SON: variants seen among roughly 807,000 people sequenced by gnomAD.
SON encodes protein SON.
A neutral mutation model predicts 173.3 loss-of-function variants in SON; 4 were observed. That is an observed-to-expected ratio of 0.02 (90% CI 0.01 to 0.05). The LOEUF (loss-of-function observed/expected upper bound fraction) is 0.05. SON is among the 10% of genes least tolerant of loss of function. The pLI is 1.00. For synonymous variants in SON, 1,190 were observed against 1,105.9 expected, an observed-to-expected ratio of 1.08 and a Z score of -1.51; for missense variants, 2,626 against 3,055.3, an observed-to-expected ratio of 0.86 and a Z score of 3.31.
chr21:33,562,887 AG>A (rs924646022), intron 6 of SON, among the ~76,000 whole-genome samples: 2 of 152,174 alleles, frequency 1.3e-5, no homozygotes, highest in Admixed American at 1.3e-4. Flanking sequence ...ATTAGTGTGG[AG>A]TTTTCATGGA....
intron 6 of SON, among the ~76,000 whole-genome samples, chr21:33,565,469 C>T (rs2086149659): frequency 6.6e-6 from 1 of 152,148 alleles, no homozygotes; most frequent in Admixed American, 6.5e-5. Context: ...CTTGATAATC[C>T]TACCTGACAA....
intron 3 of SON, 59 bp downstream of exon 3, chr21:33,555,450 T>C: frequency 1.4e-6 from 2 of 1,428,474 alleles, no homozygotes; most frequent in Non-Finnish European, 1.9e-6. Flanking sequence ...CCTTAATTTT[T>C]TTCTGACCTT....
rs2086410953 is a variant in SON at position 33,576,779 on chromosome 21, G to GT, written c.*356dup. ...TGTTTATATTGTTTACCTTAGTGAT[G>GT]TATTTGTTTAAGTGGCTAACATCCA... On this transcript the variant is annotated 3_prime_UTR_variant, in exon 12 of 12. Transcript: ENST00000356577. The GT allele has an allele frequency of 1.4e-5, 5 of 359,762 alleles. No homozygotes were observed. In the East Asian group the frequency reaches 2.6e-4, roughly 18 times the overall value. The allele number at this position is 359,762 out of a possible 1,614,324, so 22.3% of individuals were successfully genotyped here. A position where few individuals can be genotyped will look rare whatever the true frequency, so the allele number is the denominator to read the frequency against.
Position 33,576,847 on chromosome 21 carries a change from G to A in SON, c.*423G>A, listed in dbSNP as rs2086412169. 1 of 317,076 alleles carries A rather than the reference G, an allele frequency of 3.2e-6. No individual in the cohort carries two copies. The highest frequency in any genetic ancestry group is 6.3e-6 in the Non-Finnish European group (1 of 158,792). The allele number at this position is 317,076 out of a possible 1,614,324, so 19.6% of individuals were successfully genotyped here. A position where few individuals can be genotyped will look rare whatever the true frequency, so the allele number is the denominator to read the frequency against. ...ATCAGAGTAATCTTCAGTGTGGAAT[G>A]TTAAATAACGCTTTTATACTGTATT... On this transcript the variant is annotated 3_prime_UTR_variant, in exon 12 of 12. Transcript: ENST00000356577.
chr21:33,557,120 T>C (rs749179488), intron 3 of SON, 36 bp from the exon 4 acceptor site: 1 of 1,593,528 alleles, frequency 6.3e-7, no homozygotes, highest in Non-Finnish European at 8.5e-7. Flanking sequence ...GTACAGTCTT[T>C]TAGGAAAACT....
chr21:33,553,282 G>C lies in SON; in HGVS notation c.4051G>C (p.Ala1351Pro). The change falls in exon 3 of 12, where the codon GCC becomes CCC. Residue 1351 changes from alanine (A) to proline (P), a missense_variant. Around this residue, in one of 13 missense-constraint regions of SON, gnomAD observed 1,006 missense variants for 895.6 expected, o/e 1.12. Coordinates refer to ENST00000356577, the MANE Select transcript of SON (RefSeq NM_138927.4). ...ESILEPPAMAAPESSAMAVLE... is the reference protein window; with the variant it reads ...ESILEPPAMAPPESSAMAVLE... ...CATTCTGGAGCCGCCAGCCATGGCTGCCCCAGAGTCTTCAGCTATGGCTGT... is the reference window on the plus strand; with the variant it reads ...CATTCTGGAGCCGCCAGCCATGGCTCCCCCAGAGTCTTCAGCTATGGCTGT... 6.2e-7 allele frequency: 1 copy of C among 1,614,178 alleles called. No individual in the cohort carries two copies. The highest frequency in any genetic ancestry group is 8.5e-7 in the Non-Finnish European group (1 of 1,180,032).
At chr21:33,567,359 A>AC in intron 7 of SON, 92 bp downstream of exon 7, 1 of 741,300 alleles carries the variant, frequency 1.3e-6, no homozygotes, top group Non-Finnish European at 2.5e-6. Flanking sequence ...GAATTTTGCT[A>AC]ACTAGATGGT....
intron 3 of SON, among the ~76,000 whole-genome samples, chr21:33,555,849 T>A (rs955613185): frequency 6.6e-6 from 1 of 152,208 alleles, no homozygotes; most frequent in Admixed American, 6.5e-5. Context: ...ATGAAGGTAA[T>A]TCTGATTGGT....
intron 6 of SON, among the ~76,000 whole-genome samples, chr21:33,561,829 TAAAA>T (rs532042862): frequency 2.0e-5 from 3 of 152,186 alleles, no homozygotes; most frequent in African/African-American, 4.8e-5. Flanking sequence ...TATTTTTTGT[TAAAA>T]AAATTTTTTT....
rs1428461560 is a variant in SON at position 33,546,374 on chromosome 21, A to T, written c.239A>T (p.Lys80Met). The T allele has an allele frequency of 2.5e-6, 4 of 1,596,662 alleles. No homozygotes were observed. The highest frequency in any genetic ancestry group is 3.4e-6 in the Non-Finnish European group (4 of 1,175,534). ...SGVLDTELRY[K>M]PDLKEGSRKS... ...GTCTTAGATACAGAACTACGATATAAGCCAGGTAAGTTGGAGATAATTAAC... is the reference window on the plus strand; with the variant it reads ...GTCTTAGATACAGAACTACGATATATGCCAGGTAAGTTGGAGATAATTAAC... Residue 80 changes from lysine (K) to methionine (M), a missense_variant, in exon 2 of 12, where the codon AAG becomes ATG. Physicochemically the swap from Lys to Met is moderately conservative, Grantham distance 95 (BLOSUM62 -1). Coordinates refer to ENST00000356577, the MANE Select transcript of SON (RefSeq NM_138927.4).
In SON at chr21:33,552,988, C is replaced by G. The variant is rs750917780; in HGVS notation, c.3757C>G (p.Pro1253Ala). The change falls in exon 3 of 12, where the codon CCA (proline) becomes GCA (alanine). Residue 1253 changes from proline (P) to alanine (A), a missense_variant. This residue lies in a region of SON where 1,006 missense variants were observed against 895.6 expected (regional missense o/e 1.12). Transcript: ENST00000356577. This position sits in a 1 kb window ranked among gnomAD's most constrained non-coding sequence, Gnocchi z 5.6. ...EAAVTVPEPPPEPESSITLTP... is the reference protein window; with the variant it reads ...EAAVTVPEPPAEPESSITLTP... ...TGCTGTGACTGTTCCAGAACCACCA[C>G]CAGAGCCAGAATCTTCAATTACGTT... The G allele has an allele frequency of 2.5e-6, 4 of 1,609,796 alleles. No homozygotes were observed. The African/African-American group carries it at 4.0e-5, about 16-fold the overall frequency.
At chr21:33,560,710 G>A (rs1455395264) in intron 6 of SON, 3 of 644,072 alleles carry the variant, frequency 4.7e-6, no homozygotes, top group Non-Finnish European at 5.8e-6. Context: ...GGAGGGTGGA[G>A]TCTTAATAGG....
In SON at chr21:33,559,899, G is replaced by A. The variant is rs767429274; in HGVS notation, c.6657+124G>A. ...TAGGGCCGGGTTAAACGGCAGGGCC[G>A]GGTTAGACGACAGATGAAACAACCC... is the stretch of plus-strand genomic sequence containing the variant. On this transcript the variant is annotated intron_variant, in intron 6 of 11. Coordinates refer to ENST00000356577, the MANE Select transcript of SON (RefSeq NM_138927.4). This position sits in a 1 kb window ranked among gnomAD's most constrained non-coding sequence, Gnocchi z 4.1. The A allele has an allele frequency of 1.2e-6, 2 of 1,609,266 alleles. No individual in the cohort carries two copies. Among genetic ancestry groups the A allele is most frequent in the Non-Finnish European group, 1.7e-6 (2 of 1,176,352 alleles).
At chr21:33,557,017 T>C (rs2085980992) in intron 3 of SON, 139 bp from the exon 4 acceptor site, 1 of 666,716 alleles carries the variant, frequency 1.5e-6, no homozygotes, top group South Asian at 3.1e-5. Context: ...TTTTTCCTTT[T>C]TTTTTTTCTT....
At chr21:33,564,127 T>C (rs2086119741) in intron 6 of SON, among the ~76,000 whole-genome samples, 1 of 152,214 alleles carries the variant, frequency 6.6e-6, no homozygotes, top group African/African-American at 2.4e-5. Flanking sequence ...GATTCTCTTT[T>C]TCCCAGTTTT....
chr21:33,544,651 G>T (rs2085570320), intron 1 of SON, among the ~76,000 whole-genome samples: 1 of 152,026 alleles, frequency 6.6e-6, no homozygotes, highest in South Asian at 2.1e-4. Context: ...CAGTCTTTTG[G>T]ACTTCTTCAT....
Position 33,553,459 on chromosome 21 carries a change from G to A in SON, c.4228G>A (p.Val1410Ile), listed in dbSNP as rs144716297. 2.0e-4 allele frequency: 323 copies of A among 1,614,126 alleles called. No homozygotes were observed. Among genetic ancestry groups the A allele is most frequent in the Non-Finnish European group, 2.5e-4 (297 of 1,180,050 alleles). ...CTATGTTACCATTCCTGTGCCAGTT[G>A]TTTCTGCGCTGGAGCCTTCTGTGCC... ...PDYVTIPVPV[V>I]SALEPSVPVL... is the part of the protein sequence containing the mutation. Residue 1410 changes from valine (V) to isoleucine (I), a missense_variant, in exon 3 of 12, where the codon GTT becomes ATT. This residue lies in a region of SON where 1,006 missense variants were observed against 895.6 expected (regional missense o/e 1.12). Transcript: ENST00000356577.
At position 33,573,328 on chromosome 21, in the gene SON, C is replaced by A. The variant is rs372104042; in HGVS notation, c.6906C>A (p.Ala2302=). ...WIKKDQFLRA[A]PVTGGMGAVL... is the part of the protein sequence containing the mutation. ...GATAGGATCAGTTCTTAAGAGCAGC[C>A]CCGGTAACTGGAGGAATGGGAGCCG... Residue 2302 remains alanine (A), a synonymous_variant, in exon 9 of 12, where the codon GCC becomes GCA. Coordinates refer to ENST00000356577, the MANE Select transcript of SON (RefSeq NM_138927.4). The A allele has an allele frequency of 3.7e-6, 6 of 1,610,594 alleles. No individual in the cohort carries two copies. The highest frequency in any genetic ancestry group is 3.3e-5 in the Admixed American group (2 of 59,924).
intron 8 of SON, chr21:33,569,454 T>A: frequency 3.0e-6 from 1 of 332,120 alleles, no homozygotes; most frequent in South Asian, 2.5e-5. Context: ...CAAATTTTTC[T>A]TCATCATGGG....
Sources: allele counts gnomAD v4.1 joint callset (sites outside exome capture counted in the v4.1 genomes callset), GRCh38; gene constraint gnomAD v4.1.1; regional missense constraint gnomAD v4.1.1; non-coding constraint Gnocchi (gnomAD v3.1); transcripts MANE v1.5; gene names NCBI Gene and HGNC (gene_info 2026-07-23, HGNC 2026-07-21).